Variants in IGSF10 observed in about 807,000 individuals in gnomAD.
IGSF10 encodes the protein immunoglobulin superfamily member 10, also known as calvaria mechanical force protein 608.
IGSF10 carries 126 observed loss-of-function variants against 128.2 expected under a neutral mutation model. The ratio of observed to expected loss-of-function variants is 0.98; its 90% CI spans 0.85 to 1.14. The LOEUF is 1.14. Ranked by LOEUF, IGSF10 falls within the 50% of genes most tolerant of loss-of-function variation. The probability of loss-of-function intolerance (pLI) is 0.00; values close to 1 mark genes in which losing one functional copy is unlikely to be tolerated. For missense variants in IGSF10, 3,295 were observed against 3,149.8 expected, an observed-to-expected ratio of 1.05 and a Z score of -1.10; for synonymous variants, 1,185 against 1,146.2, an observed-to-expected ratio of 1.03 and a Z score of -0.68.
the IGSF10 span, among the ~76,000 whole-genome samples, chr3:151,610,661 A>G: frequency 5.3e-5 from 8 of 152,204 alleles, no homozygotes; most frequent in African/African-American, 1.9e-4. Flanking sequence ...TGATGCAATG[A>G]AATGCTACAG....
At chr3:151,592,407 T>C in the IGSF10 span, among the ~76,000 whole-genome samples, 1 of 152,152 alleles carries the variant, frequency 6.6e-6, no homozygotes, top group Non-Finnish European at 1.5e-5. Flanking sequence ...AAGGACTTTG[T>C]TGTTGAAGGC....
chr3:151,514,206 A>G, the IGSF10 span, among the ~76,000 whole-genome samples: 1 of 152,146 alleles, frequency 6.6e-6, no homozygotes, highest in Non-Finnish European at 1.5e-5. Context: ...GCATCAAGCT[A>G]CCTGACTTCA....
chr3:151,606,914 C>T, the IGSF10 span, among the ~76,000 whole-genome samples: 1 of 152,212 alleles, frequency 6.6e-6, no homozygotes, highest in Admixed American at 6.5e-5. Flanking sequence ...AACACGTACT[C>T]TTACTGACTT....
the IGSF10 span, among the ~76,000 whole-genome samples, chr3:151,523,522 T>C: frequency 1.3e-5 from 2 of 152,054 alleles, no homozygotes; most frequent in Non-Finnish European, 2.9e-5. Flanking sequence ...CCCACATCTA[T>C]GACCATTTGA....
At chr3:151,548,152 C>T in the IGSF10 span, among the ~76,000 whole-genome samples, 1 of 152,112 alleles carries the variant, frequency 6.6e-6, no homozygotes, top group African/African-American at 2.4e-5. Flanking sequence ...AGCAGTATGC[C>T]TTTTGCCTTG....
chr3:151,461,367 TTGGTCC>T, upstream of IGSF10: 1 of 985,380 alleles, frequency 1.0e-6, no homozygotes, highest in Non-Finnish European at 1.2e-6. Flanking sequence ...CAGGCTGTCC[TTGGTCC>T]TGTGGCTCCC....
chr3:151,523,456 G>A, the IGSF10 span, among the ~76,000 whole-genome samples: 1 of 152,104 alleles, frequency 6.6e-6, no homozygotes, highest in Admixed American at 6.6e-5. Flanking sequence ...CATAGTACTG[G>A]TACAAAAACA....
In IGSF10 at chr3:151,447,579, G is replaced by C. The variant is rs145028765; in HGVS notation, c.2402C>G (p.Ala801Gly). The C allele has an allele frequency of 2.5e-6, 4 of 1,614,044 alleles. No homozygotes were observed. The African/African-American group carries it at 4.0e-5, about 16-fold the overall frequency. The change falls in exon 6 of 8, where the codon GCT becomes GGT. Residue 801 changes from alanine (A) to glycine (G), a missense_variant. Coordinates refer to ENST00000282466, the MANE Select transcript of IGSF10 (RefSeq NM_178822.5). ...CGGGACCATAAATTCCTCATGTAGAGCGAGCATGCCTGAGGAATCGTCTTC... is the reference window on the plus strand; with the variant it reads ...CGGGACCATAAATTCCTCATGTAGACCGAGCATGCCTGAGGAATCGTCTTC... ...GEEDDSSGMLALHEEFMVPAT... is the reference protein window; with the variant it reads ...GEEDDSSGMLGLHEEFMVPAT...
chr3:151,486,395 A>G, the IGSF10 span, among the ~76,000 whole-genome samples: 1 of 152,006 alleles, frequency 6.6e-6, no homozygotes, highest in Non-Finnish European at 1.5e-5. Context: ...CCCACTGTCA[A>G]TATTAGATTA....
At chr3:151,509,376 G>A in the IGSF10 span, among the ~76,000 whole-genome samples, 13 of 152,268 alleles carry the variant, frequency 8.5e-5, no homozygotes, top group African/African-American at 2.9e-4. Flanking sequence ...CACCTAAATT[G>A]GAGAAACAAC....
the IGSF10 span, among the ~76,000 whole-genome samples, chr3:151,466,577 T>C: frequency 1.3e-5 from 2 of 152,108 alleles, no homozygotes; most frequent in Non-Finnish European, 2.9e-5. Context: ...TTGTTTTGTT[T>C]TGTTTTGTTT....
chr3:151,566,188 A>G, the IGSF10 span, among the ~76,000 whole-genome samples: 1 of 152,084 alleles, frequency 6.6e-6, no homozygotes, highest in Non-Finnish European at 1.5e-5. Context: ...AAAATCAGAA[A>G]TCTGACCAAA....
chr3:151,613,959 G>A, the IGSF10 span, among the ~76,000 whole-genome samples: 1 of 152,134 alleles, frequency 6.6e-6, no homozygotes, highest in Admixed American at 6.5e-5. Context: ...AATCTACAAT[G>A]AACTCAAACA....
In IGSF10 at chr3:151,437,890, T is replaced by C. The variant is rs959674199; in HGVS notation, c.6671A>G (p.Lys2224Arg). 6.2e-7 allele frequency: 1 copy of C among 1,614,016 alleles called. No individual in the cohort carries two copies. Among genetic ancestry groups the C allele is most frequent in the Non-Finnish European group, 8.5e-7 (1 of 1,179,974 alleles). The part of the protein sequence containing the change: ...VARNPSGDDT[K>R]MYKLDVVSKP... The stretch of plus-strand genomic sequence containing the variant: ...AGAGACCACATCCAGTTTGTACATT[T>C]TGGTGTCATCCCCACTGGGATTTCG... The change falls in exon 8 of 8, where the codon AAA becomes AGA. Residue 2224 changes from lysine to arginine, a missense_variant. Coordinates refer to ENST00000282466, the MANE Select transcript of IGSF10 (RefSeq NM_178822.5).
the IGSF10 span, among the ~76,000 whole-genome samples, chr3:151,510,277 C>A: frequency 1.3e-5 from 2 of 152,180 alleles, no homozygotes; most frequent in Non-Finnish European, 2.9e-5. Flanking sequence ...TGAGACAAAA[C>A]TTCCAGAGGA....
the IGSF10 span, among the ~76,000 whole-genome samples, chr3:151,619,537 T>C: frequency 6.6e-6 from 1 of 151,706 alleles, no homozygotes; most frequent in South Asian, 2.1e-4. Context: ...ATCAGACAGT[T>C]GAGAATTTAT....
Position 151,437,194 on chromosome 3 carries a change from GAC to G in IGSF10, c.7365_7366del (p.Ser2456Ter). ...GATATTTGGCTTAGGGATTCCATCA[GAC>G]ACACAATGCAGTGATAGAGATTCTC... On this transcript the variant is annotated frameshift_variant, in exon 8 of 8. Coordinates refer to ENST00000282466, the MANE Select transcript of IGSF10 (RefSeq NM_178822.5). LOFTEE classifies it low-confidence loss of function (END_TRUNC). 6.2e-7 allele frequency: 1 copy of G among 1,614,196 alleles called. No homozygotes were observed. The highest frequency in any genetic ancestry group is 8.5e-7 in the Non-Finnish European group (1 of 1,180,028).
intron 7 of IGSF10, among the ~76,000 whole-genome samples, chr3:151,441,427 A>C (rs1045297130): frequency 6.6e-6 from 1 of 152,192 alleles, no homozygotes; most frequent in African/African-American, 2.4e-5. Flanking sequence ...AATTTAGGTG[A>C]TTTTTGATGA....
the IGSF10 span, among the ~76,000 whole-genome samples, chr3:151,611,790 A>ACCTGACTTCTTTCCTTC: frequency 1.3e-5 from 2 of 152,146 alleles, no homozygotes; most frequent in Non-Finnish European, 1.5e-5. Context: ...TTGTATTTTA[A>ACCTGACTTCTTTCCTTC]CCTGACTTCT....
Sources: allele counts gnomAD v4.1 joint callset (sites outside exome capture counted in the v4.1 genomes callset), GRCh38; gene constraint gnomAD v4.1.1; transcripts MANE v1.5; gene names NCBI Gene and HGNC (gene_info 2026-07-23, HGNC 2026-07-21).